The following NUP205 variants were observed in gnomAD, a reference collection of about 807,000 sequenced individuals.
NUP205 encodes nuclear pore complex protein Nup205.
NUP205 carries 76 observed loss-of-function variants against 253.8 expected under a neutral mutation model. The ratio of observed to expected loss-of-function variants is 0.30; its 90% CI spans 0.25 to 0.36. The LOEUF is 0.36. Among genes scored for constraint, NUP205 ranks in the 10% least tolerant of loss-of-function variants. The pLI, the probability that NUP205 is intolerant of heterozygous loss-of-function variation, is 1.00. For synonymous variants in NUP205, 832 were observed against 850.1 expected, an observed-to-expected ratio of 0.98 and a Z score of 0.37; for missense variants, 2,162 against 2,425.5, an observed-to-expected ratio of 0.89 and a Z score of 2.28.
At chr7:135,607,393 G>T (rs763707407) in intron 22 of NUP205, 22 bp downstream of exon 22, 2 of 1,610,950 alleles carry the variant, frequency 1.2e-6, no homozygotes, top group Non-Finnish European at 1.7e-6. Context: ...ACTGCGTTTT[G>T]TGGTACTGAA....
chr7:135,625,551 G>A (rs1487924479), intron 32 of NUP205, among the ~76,000 whole-genome samples, 196 bp downstream of exon 32: 1 of 152,144 alleles, frequency 6.6e-6, no homozygotes, highest in Non-Finnish European at 1.5e-5. Context: ...GGGATAGCTG[G>A]ATAATGGGAC....
chr7:135,638,567 A>T lies in NUP205; in HGVS notation c.5276A>T (p.Asn1759Ile), dbSNP rs144797408. ...IELAMQQICA[N>I]VMEYCQSLML... The stretch of plus-strand genomic sequence containing the variant: ...GTTTTTTGATTATAGATTTGTGCCA[A>T]TGTAATGGAATATTGCCAGTCACTC... Residue 1759 changes from asparagine (N) to isoleucine (I), a missense_variant, in exon 38 of 43, where the codon AAT becomes ATT. Asn to Ile is a moderately radical substitution (Grantham distance 149). Coordinates refer to ENST00000285968, the MANE Select transcript of NUP205 (RefSeq NM_015135.3). The T allele has an allele frequency of 1.2e-5, 19 of 1,613,884 alleles. No individual in the cohort carries two copies. Among genetic ancestry groups the T allele is most frequent in the Non-Finnish European group, 1.6e-5 (19 of 1,179,890 alleles).
intron 30 of NUP205, among the ~76,000 whole-genome samples, chr7:135,622,381 C>T (rs1794490838): frequency 6.7e-6 from 1 of 150,238 alleles, no homozygotes; most frequent in Admixed American, 6.6e-5. Context: ...CAAGATCATG[C>T]CACTGCACTC....
chr7:135,601,362 C>T lies in NUP205; in HGVS notation c.2375-8C>T, dbSNP rs896671870. 45 of 1,609,256 alleles carry T rather than the reference C, an allele frequency of 2.8e-5. No individual in the cohort carries two copies. The highest frequency in any genetic ancestry group is 3.7e-5 in the Non-Finnish European group (43 of 1,177,740). On this transcript the variant is annotated splice_polypyrimidine_tract_variant and splice_region_variant and intron_variant, in intron 16 of 42. Transcript: ENST00000285968. Reference sequence around the variant, plus strand: ...ATCATCTCTTGGAATATGTTATGTTCTATTTAGGAGAAGAAATCATAGCCT... The same window carrying T: ...ATCATCTCTTGGAATATGTTATGTTTTATTTAGGAGAAGAAATCATAGCCT...
At chr7:135,603,744 A>G (rs1794018948) in intron 18 of NUP205, among the ~76,000 whole-genome samples, 1 of 151,334 alleles carries the variant, frequency 6.6e-6, no homozygotes, top group Non-Finnish European at 1.5e-5. Context: ...TCCTGACCTC[A>G]AGCAGTCCGC....
intron 19 of NUP205, among the ~76,000 whole-genome samples, chr7:135,605,191 GT>G (rs891025847): frequency 1.1e-4 from 17 of 152,062 alleles, no homozygotes; most frequent in African/African-American, 3.9e-4. Context: ...CGCCCAGCTA[GT>G]TTTTTTGTAT....
intron 1 of NUP205, among the ~76,000 whole-genome samples, chr7:135,567,160 ATATATATATATATATATATATG>A (rs1805800273): frequency 3.1e-5 from 3 of 95,302 alleles, no homozygotes; most frequent in African/African-American, 7.7e-5. Context: ...ATATATATAT[ATATATATATATATATATATATG>A]TATATATGGT....
intron 21 of NUP205, 93 bp from the exon 22 acceptor site, chr7:135,607,154 A>G (rs1039806249): frequency 2.7e-5 from 39 of 1,461,358 alleles, no homozygotes; most frequent in East Asian, 2.3e-5. Flanking sequence ...AGTACAGCAT[A>G]TATTTAAAGA....
At chr7:135,612,107 G>A (rs1357699201) in intron 22 of NUP205, among the ~76,000 whole-genome samples, 3 of 151,882 alleles carry the variant, frequency 2.0e-5, no homozygotes, top group Admixed American at 2.0e-4. Flanking sequence ...GCGACAGAAT[G>A]AAACTGCATC....
At chr7:135,602,353 T>C (rs576840720) in intron 17 of NUP205, among the ~76,000 whole-genome samples, 13 of 152,220 alleles carry the variant, frequency 8.5e-5, no homozygotes, top group Non-Finnish European at 1.5e-4. Context: ...TTTGGCACCA[T>C]TGACAGTTTG....
intron 23 of NUP205, among the ~76,000 whole-genome samples, chr7:135,615,678 T>C (rs1212646404): frequency 6.6e-6 from 1 of 152,194 alleles, no homozygotes; most frequent in African/African-American, 2.4e-5. Context: ...TTGATTCTCT[T>C]TTACTCTTCA....
chr7:135,567,650 G>T (rs73725132), intron 1 of NUP205, among the ~76,000 whole-genome samples: 550 of 151,848 alleles, frequency 3.6e-3, no homozygotes, highest in Middle Eastern at 0.01. Context: ...GTCATCTGAC[G>T]TTGTTCATTG....
intron 26 of NUP205, 95 bp from the exon 27 acceptor site, chr7:135,617,507 C>T: frequency 1.1e-6 from 1 of 918,204 alleles, no homozygotes; most frequent in East Asian, 2.5e-5. Context: ...TATCTGACAC[C>T]TTTCCCTTTA....
At chr7:135,642,282 A>G (rs1001392125) in intron 38 of NUP205, among the ~76,000 whole-genome samples, 1 of 151,848 alleles carries the variant, frequency 6.6e-6, no homozygotes, top group African/African-American at 2.4e-5. Flanking sequence ...AATTGCCACA[A>G]TGTTTCCACG....
At chr7:135,633,227 G>A (rs568587781) in intron 35 of NUP205, among the ~76,000 whole-genome samples, 2 of 152,104 alleles carry the variant, frequency 1.3e-5, no homozygotes, top group Non-Finnish European at 1.5e-5. Context: ...GTCTCCCAAA[G>A]TGCTGGGATT....
Position 135,590,399 on chromosome 7 carries a change from C to A in NUP205, c.1474-1051C>A, listed in dbSNP as rs150267661. 2.3e-3 allele frequency among the ~76,000 whole-genome samples: 346 copies of A among 152,258 alleles called. 5 individuals are homozygous for A. The highest frequency in any genetic ancestry group is 4.1e-3 in the Non-Finnish European group (281 of 68,014). On this transcript the variant is annotated intron_variant, in intron 10 of 42. Transcript: ENST00000285968. ...AAAGTGCTGCGATTACAGGCGTGAG[C>A]CACTGTGCCCAGCCTGCTATATTAT...
At chr7:135,622,975 T>C (rs1293431340) in intron 31 of NUP205, 50 bp downstream of exon 31, 13 of 1,588,740 alleles carry the variant, frequency 8.2e-6, no homozygotes, top group African/African-American at 5.4e-5. Context: ...TTTTGACTTA[T>C]TAAGGTATAA....
chr7:135,637,818 A>T, intron 36 of NUP205, 113 bp from the exon 37 acceptor site: 1 of 888,724 alleles, frequency 1.1e-6, no homozygotes, highest in Non-Finnish European at 1.6e-6. Context: ...GTAAGATATT[A>T]GATGCCTTAA....
Position 135,591,482 on chromosome 7 carries a change from T to A in NUP205, c.1506T>A (p.Gly502=). The change falls in exon 11 of 43, where the codon GGT becomes GGA. Residue 502 remains glycine, a synonymous_variant. Transcript: ENST00000285968. ...TGTCAAAGTTTGTTAGGCAAATGGG[T>A]GACCTGTTGCCTCCAACTATTTATA... ...VVLSKFVRQM[G]DLLPPTIYIP... The A allele has an allele frequency of 6.2e-7, 1 of 1,613,874 alleles. No homozygotes were observed. The highest frequency in any genetic ancestry group is 1.3e-5 in the African/African-American group (1 of 75,046).
Sources: gnomAD v4.1 joint callset for allele counts (sites outside exome capture counted in the v4.1 genomes callset) on GRCh38, gnomAD v4.1.1 for gene constraint, MANE v1.5 for transcripts, NCBI Gene and HGNC (gene_info 2026-07-23, HGNC 2026-07-21) for gene names.